Variants in NEFH observed in about 807,000 individuals in gnomAD.
NEFH encodes the protein neurofilament heavy chain, also known as neurofilament heavy polypeptide.
In NEFH, 58 loss-of-function variants were observed where a neutral mutation model predicts 56.6. The observed-to-expected ratio is 1.03, with a 90% confidence interval of 0.83 to 1.28. The LOEUF (loss-of-function observed/expected upper bound fraction) is 1.28, where lower values mean the gene tolerates loss of function less well. Ranked by LOEUF, NEFH falls within the 50% of genes most tolerant of loss-of-function variation. The pLI is 0.00. For missense variants in NEFH, 1,221 were observed against 1,307.6 expected, an observed-to-expected ratio of 0.93 and a Z score of 1.02; for synonymous variants, 542 against 545.8, an observed-to-expected ratio of 0.99 and a Z score of 0.10.
rs770293523 is a variant in NEFH, at chr22:29,488,986, A to C, written c.1346A>C (p.Lys449Thr). Reference sequence around the variant, plus strand: ...GAAGAGAAGATCAAAGTGGTGGAGAAGTCTGAGAAAGAAACTGTGATTGTG... The same window carrying C: ...GAAGAGAAGATCAAAGTGGTGGAGACGTCTGAGAAAGAAACTGTGATTGTG... ...KSEEKIKVVE[K>T]SEKETVIVEE... is the part of the protein sequence containing the mutation. The change falls in exon 4 of 4, where the codon AAG (lysine) becomes ACG (threonine). Residue 449 changes from lysine to threonine, a missense_variant. By Grantham distance (78) the Lys-to-Thr change is moderately conservative. Around this residue, in one of 4 missense-constraint regions of NEFH, gnomAD observed 243 missense variants for 299.1 expected, o/e 0.81. Coordinates refer to ENST00000310624, the MANE Select transcript of NEFH (RefSeq NM_021076.4). The C allele has an allele frequency of 6.2e-7, 1 of 1,614,120 alleles. No homozygotes were observed. Among genetic ancestry groups the C allele is most frequent in the Non-Finnish European group, 8.5e-7 (1 of 1,180,044 alleles).
In NEFH at chr22:29,480,850, G is replaced by A. The variant is rs1196277923; in HGVS notation, c.588G>A (p.Glu196=). 1.2e-5 allele frequency: 17 copies of A among 1,395,490 alleles called. No individual in the cohort carries two copies. Among genetic ancestry groups the A allele is most frequent in the Non-Finnish European group, 1.6e-5 (17 of 1,087,582 alleles). The allele number at this position is 1,395,490 out of a possible 1,614,324, so 86.4% of individuals were successfully genotyped here. A position where few individuals can be genotyped will look rare whatever the true frequency, so the allele number is the denominator to read the frequency against. ...AGGCCCGGCAGCGAGAGGAGGCCGA[G>A]GCGGCGGCCCGCGCGCTGGCGCGCT... ...DDEARQREEA[E]AAARALARFA... Residue 196 remains glutamate (E), a synonymous_variant, in exon 1 of 4, where the codon GAG becomes GAA. Coordinates refer to ENST00000310624, the MANE Select transcript of NEFH (RefSeq NM_021076.4).
At position 29,480,891 on chromosome 22, in the gene NEFH, A is replaced by T; in HGVS notation, c.629A>T (p.Glu210Val). Residue 210 changes from glutamate to valine, a missense_variant, in exon 1 of 4, where the codon GAG (glutamate) becomes GTG (valine). By Grantham distance (121) the Glu-to-Val change is moderately radical (BLOSUM62 -2). Transcript: ENST00000310624. ...RALARFAQEA[E>V]AARVDLQKKA... ...CTGGCGCGCTTCGCGCAGGAGGCCGAGGCGGCGCGCGTGGACCTGCAGAAG... is the reference window on the plus strand; with the variant it reads ...CTGGCGCGCTTCGCGCAGGAGGCCGTGGCGGCGCGCGTGGACCTGCAGAAG... The T allele has an allele frequency of 6.9e-7, 1 of 1,457,108 alleles. No homozygotes were observed. Among genetic ancestry groups the T allele is most frequent in the Non-Finnish European group, 9.0e-7 (1 of 1,116,302 alleles). The allele number at this position is 1,457,108 out of a possible 1,614,324, so 90.3% of individuals were successfully genotyped here.
At position 29,489,788 on chromosome 22, in the gene NEFH, AAAGTCCCCTGAGAAGGCC is replaced by A. The variant is rs867098893; in HGVS notation, c.2157_2174del (p.Glu720_Pro725del). ...CCAAGTCCCCAGTGAAGGAAGAAGCAAAGTCCCCTGAGAAGGCCAAGTCCCCAGTGAAGGAAGAAGCAA... is the reference window on the plus strand; with the variant it reads ...CCAAGTCCCCAGTGAAGGAAGAAGCAAAGTCCCCAGTGAAGGAAGAAGCAA... On this transcript the variant is annotated inframe_deletion, in exon 4 of 4. Transcript: ENST00000310624. 21 of 1,598,250 alleles carry A rather than the reference AAAGTCCCCTGAGAAGGCC, an allele frequency of 1.3e-5. No homozygotes were observed. In the Admixed American group the frequency reaches 3.2e-4, roughly 25 times the overall value.
In NEFH at chr22:29,491,302, T is replaced by A. The variant is rs1362084598; in HGVS notation, c.*599T>A. 5.1e-6 allele frequency: 1 copy of A among 197,208 alleles called. No individual in the cohort carries two copies. Among genetic ancestry groups the A allele is most frequent in the Non-Finnish European group, 1.0e-5 (1 of 95,534 alleles). The allele number at this position is 197,208 out of a possible 1,614,324, so 12.2% of individuals were successfully genotyped here. A position where few individuals can be genotyped will look rare whatever the true frequency, so the allele number is the denominator to read the frequency against. On this transcript the variant is annotated 3_prime_UTR_variant, in exon 4 of 4. Coordinates refer to ENST00000310624, the MANE Select transcript of NEFH (RefSeq NM_021076.4). ...TTATAAAATGAAAATGTTGCTGCTGTTATTCTCTTTCCCTGGGAAGGCTGG... is the reference window on the plus strand; with the variant it reads ...TTATAAAATGAAAATGTTGCTGCTGATATTCTCTTTCCCTGGGAAGGCTGG...
In NEFH at chr22:29,490,586, C is replaced by G; in HGVS notation, c.2946C>G (p.Leu982=). The part of the protein sequence containing the change: ...EAKAKEDDKT[L]SKEPSKPKAE... The stretch of plus-strand genomic sequence containing the variant: ...AAGCCAAGGAAGATGACAAGACCCT[C>G]TCAAAAGAGCCTAGCAAGCCTAAGG... Residue 982 remains leucine (L), a synonymous_variant, in exon 4 of 4, where the codon CTC becomes CTG. Coordinates refer to ENST00000310624, the MANE Select transcript of NEFH (RefSeq NM_021076.4). 6.2e-7 allele frequency: 1 copy of G among 1,614,054 alleles called. No individual in the cohort carries two copies. Among genetic ancestry groups the G allele is most frequent in the Non-Finnish European group, 8.5e-7 (1 of 1,180,008 alleles).
Position 29,481,161 on chromosome 22 carries a change from G to A in NEFH, c.883+16G>A, listed in dbSNP as rs534281794. On this transcript the variant is annotated intron_variant, in intron 1 of 3. Transcript: ENST00000310624. ...TGGTTCCGAGGTACGCAGGCGCGCG[G>A]GTGGGGGGAGGGGCGCCCCTGCTGA... 1.6e-3 allele frequency: 2,434 copies of A among 1,529,862 alleles called. 4 individuals carry two copies. The highest frequency in any genetic ancestry group is 2.0e-3 in the Non-Finnish European group (2,303 of 1,143,998). The allele number at this position is 1,529,862 out of a possible 1,614,324, so 94.8% of individuals were successfully genotyped here.
rs770091029 is a variant in NEFH at position 29,485,743 on chromosome 22, C to T, written c.1104C>T (p.Asp368=). The T allele has an allele frequency of 6.8e-6, 11 of 1,614,144 alleles. No homozygotes were observed. The highest frequency in any genetic ancestry group is 3.3e-5 in the South Asian group (3 of 91,080). The stretch of plus-strand genomic sequence containing the variant: ...CCCAGGAAGCCATTCAGCAGCTGGA[C>T]GCTGAGCTGAGGAACACCAAGTGGG... ...ASYQEAIQQL[D]AELRNTKWEM... is the part of the protein sequence containing the mutation. The change falls in exon 3 of 4, where the codon GAC becomes GAT. Residue 368 remains aspartate, a synonymous_variant. Coordinates refer to ENST00000310624, the MANE Select transcript of NEFH (RefSeq NM_021076.4).
intron 1 of NEFH, among the ~76,000 whole-genome samples, chr22:29,481,914 G>A (rs1333645864): frequency 6.6e-6 from 1 of 152,174 alleles, no homozygotes; most frequent in African/African-American, 2.4e-5. Flanking sequence ...ACCAACACTT[G>A]CCCTCTCTGG....
At position 29,490,885 on chromosome 22, in the gene NEFH, T is replaced by TCCCAGGCCCCTGCC. The variant is rs2063077835; in HGVS notation, c.*192_*205dup. 8.1e-7 allele frequency: 1 copy of TCCCAGGCCCCTGCC among 1,235,366 alleles called. No homozygotes were observed. Among genetic ancestry groups the TCCCAGGCCCCTGCC allele is most frequent in the Non-Finnish European group, 1.1e-6 (1 of 879,704 alleles). 76.5% of individuals were successfully genotyped at this position (1,235,366 alleles called of 1,614,324 possible). A position where few individuals can be genotyped will look rare whatever the true frequency, so the allele number is the denominator to read the frequency against. ...GCAATATGTTAGCAAGAGAGGGCAC[T>TCCCAGGCCCCTGCC]CCCAGGCCCCTGCCCCCAGGCCCTC... On this transcript the variant is annotated 3_prime_UTR_variant, in exon 4 of 4. Transcript: ENST00000310624.
intron 1 of NEFH, among the ~76,000 whole-genome samples, chr22:29,481,588 A>C (rs1482447844): frequency 6.6e-6 from 1 of 152,134 alleles, no homozygotes; most frequent in East Asian, 1.9e-4. Flanking sequence ...ACCCCGCAAG[A>C]AACTCTATTC....
chr22:29,480,595 C>T lies in NEFH; in HGVS notation c.333C>T (p.Tyr111=), dbSNP rs540949722. ...LQALNDRFAG[Y]IDKVRQLEAH... Reference sequence around the variant, plus strand: ...CGCTGAACGACCGCTTCGCCGGGTACATCGACAAGGTGCGGCAGCTGGAGG... The same window carrying T: ...CGCTGAACGACCGCTTCGCCGGGTATATCGACAAGGTGCGGCAGCTGGAGG... The change falls in exon 1 of 4, where the codon TAC becomes TAT. Residue 111 remains tyrosine, a synonymous_variant. Transcript: ENST00000310624. The T allele has an allele frequency of 7.0e-6, 11 of 1,561,978 alleles. No individual in the cohort carries two copies. The East Asian group carries it at 2.3e-4, about 33-fold the overall frequency.
chr22:29,485,459 C>G (rs557558475), intron 2 of NEFH, among the ~76,000 whole-genome samples: 1 of 152,336 alleles, frequency 6.6e-6, no homozygotes, highest in Non-Finnish European at 1.5e-5. Context: ...ATCCTGCCAG[C>G]CAAACCAGCA....
chr22:29,482,456 C>G (rs1366680468), intron 1 of NEFH, among the ~76,000 whole-genome samples: 1 of 151,974 alleles, frequency 6.6e-6, no homozygotes, highest in Non-Finnish European at 1.5e-5. Context: ...GGGTTGCTGG[C>G]GGGGGCCGGG....
At chr22:29,488,428 G>T (rs887000481) in intron 3 of NEFH, among the ~76,000 whole-genome samples, 1 of 152,030 alleles carries the variant, frequency 6.6e-6, no homozygotes, top group Non-Finnish European at 1.5e-5. Context: ...AGGCTCCCAG[G>T]GTTCTCTTGA....
rs142042497 is a variant in NEFH at position 29,491,193 on chromosome 22, C to T, written c.*490C>T. 3.7e-3 allele frequency: 900 copies of T among 244,652 alleles called. 17 individuals are homozygous for T. The East Asian group carries it at 0.043, about 12-fold the overall frequency. The allele number at this position is 244,652 out of a possible 1,614,324, so 15.2% of individuals were successfully genotyped here. On this transcript the variant is annotated 3_prime_UTR_variant, in exon 4 of 4. Coordinates refer to ENST00000310624, the MANE Select transcript of NEFH (RefSeq NM_021076.4). ...TCTGGAAGAGCGGTCCAGGTGGGGC[C>T]GGGGACTGGCCACTGAATTATGCCA...
chr22:29,483,021 C>T (rs1012822803), intron 1 of NEFH, among the ~76,000 whole-genome samples: 3 of 152,154 alleles, frequency 2.0e-5, no homozygotes, highest in Non-Finnish European at 4.4e-5. Context: ...TGGCTCACAC[C>T]TGTAATTCCA....
Position 29,480,471 on chromosome 22 carries a change from C to G in NEFH, c.209C>G (p.Ala70Gly). Residue 70 changes from alanine to glycine, a missense_variant, in exon 1 of 4, where the codon GCC (alanine) becomes GGC (glycine). Physicochemically the swap from Ala to Gly is moderately conservative, Grantham distance 60 (BLOSUM62 0). This residue lies in a region of NEFH where 640 missense variants were observed against 555.5 expected (regional missense o/e 1.15). Coordinates refer to ENST00000310624, the MANE Select transcript of NEFH (RefSeq NM_021076.4). The part of the protein sequence containing the change: ...ASPSRFRGAG[A>G]ASSTDSLDTL... The stretch of plus-strand genomic sequence containing the variant: ...CCCAGCCGCTTCCGTGGCGCAGGCG[C>G]CGCCTCAAGCACCGACTCGCTGGAC... 1 of 1,532,844 alleles carries G rather than the reference C, an allele frequency of 6.5e-7. No individual in the cohort carries two copies. The highest frequency in any genetic ancestry group is 8.7e-7 in the Non-Finnish European group (1 of 1,146,078). The allele number at this position is 1,532,844 out of a possible 1,614,324, so 95.0% of individuals were successfully genotyped here. A position where few individuals can be genotyped will look rare whatever the true frequency, so the allele number is the denominator to read the frequency against.
In NEFH at chr22:29,480,931, G is replaced by A; in HGVS notation, c.669G>A (p.Leu223=). ...ACCTGCAGAAGAAGGCGCAGGCGCT[G>A]CAGGAGGAGTGCGGCTACCTGCGGC... is the stretch of plus-strand genomic sequence containing the variant. The part of the protein sequence containing the change: ...RVDLQKKAQA[L]QEECGYLRRH... Residue 223 remains leucine, a synonymous_variant, in exon 1 of 4, where the codon CTG becomes CTA. Coordinates refer to ENST00000310624, the MANE Select transcript of NEFH (RefSeq NM_021076.4). The A allele has an allele frequency of 3.3e-6, 5 of 1,528,190 alleles. No individual in the cohort carries two copies. Among genetic ancestry groups the A allele is most frequent in the Non-Finnish European group, 2.6e-6 (3 of 1,144,336 alleles). The allele number at this position is 1,528,190 out of a possible 1,614,324, so 94.7% of individuals were successfully genotyped here.
At chr22:29,483,711 C>T (rs908239855) in intron 2 of NEFH, 137 bp downstream of exon 2, 4 of 676,694 alleles carry the variant, frequency 5.9e-6, no homozygotes, top group Admixed American at 2.4e-5. Flanking sequence ...CACTTTCCAG[C>T]TGTGTGACCC....
Sources: gnomAD v4.1 joint callset for allele counts (sites outside exome capture counted in the v4.1 genomes callset) on GRCh38, gnomAD v4.1.1 for gene constraint, gnomAD v4.1.1 regional missense constraint, MANE v1.5 for transcripts, NCBI Gene and HGNC (gene_info 2026-07-23, HGNC 2026-07-21) for gene names.